The following SPOCK1 variants were observed in gnomAD, a reference collection of about 807,000 sequenced individuals.
SPOCK1 encodes the protein testican-1.
SPOCK1 carries 23 observed loss-of-function variants against 55.3 expected under a neutral mutation model. The ratio of observed to expected loss-of-function variants is 0.42; its 90% confidence interval spans 0.30 to 0.59. The LOEUF is 0.59. Among genes scored for constraint, SPOCK1 ranks in the 20% least tolerant of loss-of-function variants. SPOCK1 has a pLI of 0.22. For synonymous variants in SPOCK1, 226 were observed against 221.0 expected (o/e 1.02, Z -0.20); for missense variants, 499 against 552.5 (o/e 0.90, Z 0.97).
intron 3 of SPOCK1, among the ~76,000 whole-genome samples, chr5:137,162,206 C>T (rs1234664890): frequency 1.4e-5 from 2 of 147,244 alleles, no homozygotes; most frequent in Non-Finnish European, 3.0e-5. Context: ...GGTGGGATCT[C>T]GGCTCACTGC....
intron 2 of SPOCK1, among the ~76,000 whole-genome samples, chr5:137,270,424 A>G (rs190277697): frequency 2.1e-4 from 32 of 152,352 alleles, no homozygotes; most frequent in African/African-American, 6.5e-4. Context: ...GAAGGATGGC[A>G]GTGTTACTAC....
intron 9 of SPOCK1, among the ~76,000 whole-genome samples, chr5:136,982,280 T>C (rs562421021): frequency 2.6e-5 from 4 of 152,374 alleles, no homozygotes; most frequent in South Asian, 2.1e-4. Flanking sequence ...TTGTCAGATA[T>C]TAATGTTGTT....
At chr5:137,359,523 G>A (rs757781523) in intron 2 of SPOCK1, among the ~76,000 whole-genome samples, 19 of 152,204 alleles carry the variant, frequency 1.2e-4, no homozygotes, top group Admixed American at 3.9e-4. Flanking sequence ...CAGTAGGTTA[G>A]CACATGTGCT....
At chr5:136,982,863 G>C (rs1750758180) in intron 9 of SPOCK1, among the ~76,000 whole-genome samples, 1 of 152,124 alleles carries the variant, frequency 6.6e-6, no homozygotes, top group Admixed American at 6.6e-5. Flanking sequence ...TGGTTTCAGA[G>C]TACCAGAGTA....
At chr5:137,166,767 A>C (rs1355972762) in intron 3 of SPOCK1, among the ~76,000 whole-genome samples, 1 of 152,200 alleles carries the variant, frequency 6.6e-6, no homozygotes, top group Non-Finnish European at 1.5e-5. Flanking sequence ...GGGTTATAAG[A>C]TAGTACTTGC....
intron 3 of SPOCK1, among the ~76,000 whole-genome samples, chr5:137,193,267 G>A (rs1755223447): frequency 6.6e-6 from 1 of 152,106 alleles, no homozygotes; most frequent in African/African-American, 2.4e-5. Flanking sequence ...GCAATTAGGA[G>A]GTCCAGGCAA....
chr5:137,337,522 A>G (rs965024401), intron 2 of SPOCK1, among the ~76,000 whole-genome samples: 2 of 152,232 alleles, frequency 1.3e-5, no homozygotes, highest in Non-Finnish European at 2.9e-5. Context: ...TGTGGTCTAC[A>G]GACTTCACAA....
At chr5:137,402,841 AC>A (rs1468248640) in intron 2 of SPOCK1, among the ~76,000 whole-genome samples, 3 of 152,250 alleles carry the variant, frequency 2.0e-5, no homozygotes, top group Non-Finnish European at 4.4e-5. Flanking sequence ...GATGAGAGGC[AC>A]AAATAATTTT....
At chr5:137,281,946 A>C (rs1223525473) in intron 2 of SPOCK1, among the ~76,000 whole-genome samples, 6 of 152,222 alleles carry the variant, frequency 3.9e-5, no homozygotes, top group African/African-American at 1.4e-4. Context: ...CAGCTATGGC[A>C]GTTTTTTAAC....
At position 137,400,571 on chromosome 5, in the gene SPOCK1, T is replaced by C. The variant is rs114438448; in HGVS notation, c.186+97802A>G. ...CCTAGAAAAAAAGTGCCTTGGATCA[T>C]AATATATTACTCCTGCTTTGAGGAA... is the stretch of plus-strand genomic sequence containing the variant. On this transcript the variant is annotated intron_variant, in intron 2 of 10. Coordinates refer to ENST00000394945, the MANE Select transcript of SPOCK1 (RefSeq NM_004598.4). Among the ~76,000 whole-genome samples, 12 of 152,270 alleles carry C rather than the reference T, an allele frequency of 7.9e-5. No individual in the cohort carries two copies. In the South Asian group the frequency reaches 1.7e-3, roughly 21 times the overall value.
chr5:136,996,746 G>C (rs749565410), intron 6 of SPOCK1, among the ~76,000 whole-genome samples: 7 of 152,044 alleles, frequency 4.6e-5, no homozygotes, highest in Non-Finnish European at 8.8e-5. Context: ...ATTACCAATT[G>C]GCAGGATCCT....
chr5:137,149,912 C>T lies in SPOCK1; in HGVS notation c.233-9218G>A, dbSNP rs544919512. Among the ~76,000 whole-genome samples the T allele has an allele frequency of 1.4e-3, 215 of 152,264 alleles. 1 individual carries two copies. Among genetic ancestry groups the T allele is most frequent in the African/African-American group, 4.0e-3 (168 of 41,544 alleles). ...TACTCAACTCTTTAGGATTCAGTTGCAGGCAAACAGATCCACTTTACTGAG... is the reference window on the plus strand; with the variant it reads ...TACTCAACTCTTTAGGATTCAGTTGTAGGCAAACAGATCCACTTTACTGAG... On this transcript the variant is annotated intron_variant, in intron 3 of 10. Transcript: ENST00000394945.
At chr5:137,157,668 TC>T (rs1384770011) in intron 3 of SPOCK1, among the ~76,000 whole-genome samples, 1 of 152,210 alleles carries the variant, frequency 6.6e-6, no homozygotes, top group Non-Finnish European at 1.5e-5. Flanking sequence ...CCAATCCCAT[TC>T]CCCAGGCACT....
chr5:137,349,674 G>T (rs905869045), intron 2 of SPOCK1, among the ~76,000 whole-genome samples: 1 of 152,178 alleles, frequency 6.6e-6, no homozygotes, highest in Non-Finnish European at 1.5e-5. Context: ...GCTTCTAGTG[G>T]TTTGCTCATC....
At chr5:137,380,196 G>A (rs1351110293) in intron 2 of SPOCK1, among the ~76,000 whole-genome samples, 1 of 152,216 alleles carries the variant, frequency 6.6e-6, no homozygotes, top group Non-Finnish European at 1.5e-5. Context: ...GCACAGGCAG[G>A]AGTAGAGATG....
chr5:137,313,337 T>G, intron 2 of SPOCK1: 1 of 832,820 alleles, frequency 1.2e-6, no homozygotes, highest in Non-Finnish European at 1.4e-6. Flanking sequence ...GGATGAGGTA[T>G]GGGCACACAG....
At chr5:137,241,277 A>G (rs1045438547) in intron 3 of SPOCK1, among the ~76,000 whole-genome samples, 2 of 152,230 alleles carry the variant, frequency 1.3e-5, no homozygotes, top group African/African-American at 4.8e-5. Context: ...ACTTAGTAGT[A>G]CACATAAGCA....
intron 2 of SPOCK1, among the ~76,000 whole-genome samples, chr5:137,468,858 GA>G (rs957435983): frequency 6.0e-4 from 91 of 152,194 alleles, no homozygotes; most frequent in African/African-American, 2.1e-3. Flanking sequence ...AACTGAGAAA[GA>G]AGGGCCGTTC....
intron 2 of SPOCK1, among the ~76,000 whole-genome samples, chr5:137,437,881 G>A (rs191043831): frequency 4.0e-4 from 61 of 152,226 alleles, no homozygotes; most frequent in African/African-American, 1.3e-3. Flanking sequence ...TTGAGAAACT[G>A]AAATTTATAC....
Sources: gnomAD v4.1 joint callset for allele counts (sites outside exome capture counted in the v4.1 genomes callset) on GRCh38, gnomAD v4.1.1 for gene constraint, MANE v1.5 for transcripts, NCBI Gene and HGNC (gene_info 2026-07-23, HGNC 2026-07-21) for gene names.